The following OSBPL10 variants were observed in gnomAD, a reference collection of about 807,000 sequenced individuals.
The protein encoded by OSBPL10 is oxysterol binding protein like 10, also known as oxysterol-binding protein-related protein 10.
Under a neutral mutation model 81.7 loss-of-function variants are expected in OSBPL10, and 49 were observed. The observed-to-expected ratio is 0.60, with a 90% CI of 0.48 to 0.76. OSBPL10 has a LOEUF of 0.76. Among genes scored for constraint, OSBPL10 ranks in the 30% least tolerant of loss-of-function variants. OSBPL10 has a pLI of 0.00. For synonymous variants in OSBPL10, 419 were observed against 383.6 expected (o/e 1.09, Z -1.08); for missense variants, 923 against 987.8 (o/e 0.93, Z 0.88).
In OSBPL10 at chr3:31,748,976, A is replaced by G. The variant is rs188231743; in HGVS notation, c.730-856T>C. ...GATGTACATAAAGTGCTTCGGCACC[A>G]TGTCTAACAAATAATTAGCGAGTCT... On this transcript the variant is annotated intron_variant, in intron 4 of 11. Transcript: ENST00000396556. Among the ~76,000 whole-genome samples the G allele has an allele frequency of 3.1e-3, 474 of 152,380 alleles. 4 individuals carry two copies. The highest frequency in any genetic ancestry group is 0.011 in the African/African-American group (448 of 41,594).
At chr3:31,827,938 C>T (rs1001620925) in intron 4 of OSBPL10, among the ~76,000 whole-genome samples, 10 of 152,128 alleles carry the variant, frequency 6.6e-5, no homozygotes, top group African/African-American at 1.2e-4. Flanking sequence ...TCAAACGCTA[C>T]TAATTAATCA....
intron 4 of OSBPL10, among the ~76,000 whole-genome samples, chr3:31,775,440 T>A (rs1575536502): frequency 6.6e-6 from 1 of 151,990 alleles, no homozygotes; most frequent in South Asian, 2.1e-4. Context: ...TGGAGAAACC[T>A]AGGAAAAGAA....
At position 31,981,173 on chromosome 3, in the gene OSBPL10, T is replaced by G. The variant is rs961157763; in HGVS notation, c.7A>C (p.Arg3=). 3 of 1,454,108 alleles carry G rather than the reference T, an allele frequency of 2.1e-6. No homozygotes were observed. Among genetic ancestry groups the G allele is most frequent in the Non-Finnish European group, 2.7e-6 (3 of 1,107,558 alleles). 90.1% of individuals were successfully genotyped at this position (1,454,108 alleles called of 1,614,324 possible). ...CCGCCGTCTGTGCCCTGGACTGCCC[T>G]CTCCATGGTCCGTGGGCGCCCGGGA... The part of the protein sequence containing the change: ME[R]AVQGTDGGGG... The change falls in exon 1 of 12, where the codon AGG becomes CGG. Residue 3 remains arginine, a synonymous_variant. Transcript: ENST00000396556. The surrounding 1 kb of genome is among the most constrained non-coding windows in gnomAD (Gnocchi z 4.5).
At chr3:31,664,347 G>C in intron 10 of OSBPL10, 115 bp from the exon 11 acceptor site, 3 of 1,058,636 alleles carry the variant, frequency 2.8e-6, no homozygotes, top group South Asian at 1.5e-5. Flanking sequence ...CCCCCTCTGG[G>C]GTAGCTCATC....
intron 5 of OSBPL10, among the ~76,000 whole-genome samples, chr3:31,747,623 T>A (rs1203937670): frequency 6.6e-6 from 1 of 152,078 alleles, no homozygotes; most frequent in East Asian, 1.9e-4. Flanking sequence ...ACATTTTTCA[T>A]AAAATGTTAC....
intron 4 of OSBPL10, among the ~76,000 whole-genome samples, chr3:31,763,050 C>T (rs1412845244): frequency 2.6e-5 from 4 of 152,002 alleles, no homozygotes; most frequent in Admixed American, 6.6e-5. Context: ...TCATCCGGAA[C>T]GGAATGAGAA....
At chr3:31,675,523 G>A (rs1005647487) in intron 8 of OSBPL10, among the ~76,000 whole-genome samples, 3 of 152,188 alleles carry the variant, frequency 2.0e-5, no homozygotes, top group South Asian at 2.1e-4. Flanking sequence ...AGATGGAGAA[G>A]GCGATTCTAA....
chr3:31,850,595 A>G (rs1277452973), intron 3 of OSBPL10, among the ~76,000 whole-genome samples: 1 of 152,042 alleles, frequency 6.6e-6, no homozygotes, highest in Non-Finnish European at 1.5e-5. Flanking sequence ...TGTGAGAAAA[A>G]TTTCACTCTC....
chr3:31,788,900 T>A (rs1156975527), intron 4 of OSBPL10, among the ~76,000 whole-genome samples: 1 of 152,130 alleles, frequency 6.6e-6, no homozygotes, highest in Non-Finnish European at 1.5e-5. Flanking sequence ...TCACCTACAA[T>A]TTCATTAATC....
chr3:31,912,425 G>T (rs1488740335), intron 1 of OSBPL10, among the ~76,000 whole-genome samples: 3 of 151,764 alleles, frequency 2.0e-5, no homozygotes, highest in Non-Finnish European at 4.4e-5. Flanking sequence ...GCAAAATAGT[G>T]ATAGTCACGG....
chr3:31,898,133 G>A (rs1467741831), intron 1 of OSBPL10, among the ~76,000 whole-genome samples: 9 of 151,674 alleles, frequency 5.9e-5, no homozygotes, highest in Non-Finnish European at 1.0e-4. Flanking sequence ...TTTTAAGTGT[G>A]TAGGAAATAT....
At chr3:31,974,879 GC>G (rs749862256) in intron 1 of OSBPL10, among the ~76,000 whole-genome samples, 17 of 152,038 alleles carry the variant, frequency 1.1e-4, no homozygotes, top group Non-Finnish European at 2.4e-4. Flanking sequence ...AAATTTACTC[GC>G]AAAACTCAGT....
At chr3:32,011,863 A>C (rs1273869419) in intron 2 of OSBPL10, among the ~76,000 whole-genome samples, 1 of 152,216 alleles carries the variant, frequency 6.6e-6, no homozygotes, top group East Asian at 1.9e-4. Context: ...GATCAAATGA[A>C]TGAAATGAAG....
At chr3:32,002,905 A>G (rs186216178) in intron 2 of OSBPL10, among the ~76,000 whole-genome samples, 17 of 152,292 alleles carry the variant, frequency 1.1e-4, no homozygotes, top group African/African-American at 3.6e-4. Context: ...TCTTGTCTCA[A>G]TGGGGGTGAC....
At chr3:32,005,585 T>C (rs976335673) in intron 2 of OSBPL10, among the ~76,000 whole-genome samples, 3 of 152,172 alleles carry the variant, frequency 2.0e-5, no homozygotes, top group Non-Finnish European at 4.4e-5. Flanking sequence ...TTTTGGGTTT[T>C]TTTTGTTGTT....
intron 3 of OSBPL10, among the ~76,000 whole-genome samples, chr3:31,837,247 C>T (rs1260089372): frequency 6.7e-6 from 1 of 150,066 alleles, no homozygotes; most frequent in Non-Finnish European, 1.5e-5. Context: ...AACCACCTAT[C>T]ATCATAAACA....
chr3:31,892,574 T>C (rs1695925189), intron 1 of OSBPL10, among the ~76,000 whole-genome samples: 1 of 152,098 alleles, frequency 6.6e-6, no homozygotes, highest in African/African-American at 2.4e-5. Flanking sequence ...AAAGCAACCA[T>C]TTCAGAACAG....
chr3:31,899,012 A>T (rs541741808), intron 1 of OSBPL10, among the ~76,000 whole-genome samples: 2 of 118,808 alleles, frequency 1.7e-5, no homozygotes, highest in Admixed American at 1.1e-4. Flanking sequence ...CCCAGGCTGC[A>T]GTGCAGTGGC....
intron 6 of OSBPL10, among the ~76,000 whole-genome samples, chr3:31,720,985 T>C (rs1047464470): frequency 1.3e-5 from 2 of 151,658 alleles, no homozygotes; most frequent in African/African-American, 2.4e-5. Flanking sequence ...TTGAGTTTGC[T>C]AATCAGCTGA....
Sources: allele counts gnomAD v4.1 joint callset (sites outside exome capture counted in the v4.1 genomes callset), GRCh38; gene constraint gnomAD v4.1.1; non-coding constraint Gnocchi (gnomAD v3.1); transcripts MANE v1.5; gene names NCBI Gene and HGNC (gene_info 2026-07-23, HGNC 2026-07-21).